TOPBP1: variants seen among roughly 807,000 people sequenced by gnomAD.
The protein encoded by TOPBP1 is DNA topoisomerase II binding protein 1.
A neutral mutation model predicts 167.7 loss-of-function variants in TOPBP1; 28 were observed. The observed-to-expected ratio is 0.17, with a 90% CI of 0.12 to 0.23. The LOEUF (loss-of-function observed/expected upper bound fraction) is 0.23, where lower values mean the gene tolerates loss of function less well. Among genes scored for constraint, TOPBP1 ranks in the 10% least tolerant of loss-of-function variants. TOPBP1 has a pLI of 1.00. For missense variants in TOPBP1, 1,554 were observed against 1,809.6 expected, an observed-to-expected ratio of 0.86 and a Z score of 2.56; for synonymous variants, 598 against 611.4, an observed-to-expected ratio of 0.98 and a Z score of 0.32.
At chr3:133,601,451 G>T in intron 27 of TOPBP1, 58 bp from the exon 28 acceptor site, 1 of 1,291,276 alleles carries the variant, frequency 7.7e-7, no homozygotes, top group Non-Finnish European at 1.0e-6. Flanking sequence ...ACGTGATCTG[G>T]TAATAGATTT....
Position 133,642,388 on chromosome 3 carries a change from A to G in TOPBP1, c.2021+812T>C, listed in dbSNP as rs576704343. ...AGGCTTTTGCTTTTTCAAGTCTTTTAGCTTATAGGTTCCTACCTTCTTTTC... is the reference window on the plus strand; with the variant it reads ...AGGCTTTTGCTTTTTCAAGTCTTTTGGCTTATAGGTTCCTACCTTCTTTTC... On this transcript the variant is annotated intron_variant, in intron 12 of 27. Coordinates refer to ENST00000260810, the MANE Select transcript of TOPBP1 (RefSeq NM_007027.4). 1.1e-4 allele frequency among the ~76,000 whole-genome samples: 17 copies of G among 152,250 alleles called. No individual in the cohort carries two copies. The East Asian group carries it at 3.1e-3, about 28-fold the overall frequency.
intron 14 of TOPBP1, among the ~76,000 whole-genome samples, chr3:133,631,357 T>C (rs1303290164): frequency 6.6e-6 from 1 of 152,250 alleles, no homozygotes; most frequent in African/African-American, 2.4e-5. Flanking sequence ...CTAACTTGAT[T>C]ATTCACGTGA....
intron 27 of TOPBP1, among the ~76,000 whole-genome samples, chr3:133,602,687 A>T (rs1934346177): frequency 6.6e-6 from 1 of 152,210 alleles, no homozygotes; most frequent in African/African-American, 2.4e-5. Flanking sequence ...ATTTGTGCTG[A>T]AACTACTTAA....
At chr3:133,645,412 C>T (rs1171823183) in intron 10 of TOPBP1, among the ~76,000 whole-genome samples, 2 of 152,088 alleles carry the variant, frequency 1.3e-5, no homozygotes, top group African/African-American at 2.4e-5. Flanking sequence ...TTATAATTTA[C>T]AGATATACTC....
chr3:133,602,388 A>T (rs1934334703), intron 27 of TOPBP1, among the ~76,000 whole-genome samples: 1 of 152,232 alleles, frequency 6.6e-6, no homozygotes, highest in South Asian at 2.1e-4. Flanking sequence ...TCCAAACTAA[A>T]GTTAGTTCTT....
At chr3:133,656,573 A>AT (rs926132558) in intron 5 of TOPBP1, 103 bp downstream of exon 5, 5 of 1,134,476 alleles carry the variant, frequency 4.4e-6, no homozygotes, top group Admixed American at 3.3e-5. Context: ...TAATGACACT[A>AT]TTTTTTTCCC....
intron 27 of TOPBP1, among the ~76,000 whole-genome samples, chr3:133,607,863 A>T (rs905401599): frequency 6.6e-6 from 1 of 152,208 alleles, no homozygotes; most frequent in African/African-American, 2.4e-5. Flanking sequence ...TGTTTTAGGC[A>T]TTCTATTAAA....
At chr3:133,613,447 C>T (rs542517736) in intron 23 of TOPBP1, among the ~76,000 whole-genome samples, 7 of 152,178 alleles carry the variant, frequency 4.6e-5, no homozygotes, top group Admixed American at 4.6e-4. Flanking sequence ...ATTACAAAAG[C>T]AGTTTTCAAG....
At chr3:133,637,830 A>T in intron 14 of TOPBP1, 46 bp downstream of exon 14, 1 of 1,583,224 alleles carries the variant, frequency 6.3e-7, no homozygotes, top group South Asian at 1.1e-5. Flanking sequence ...TTAACTTTAT[A>T]AACGGTAAAA....
intron 5 of TOPBP1, among the ~76,000 whole-genome samples, chr3:133,655,949 C>CA (rs1480185449): frequency 1.3e-5 from 2 of 152,004 alleles, no homozygotes; most frequent in African/African-American, 4.8e-5. Context: ...GAAGTAATCA[C>CA]ATTGGGAATG....
At chr3:133,623,504 T>C (rs1389718219) in intron 17 of TOPBP1, 47 bp from the exon 18 acceptor site, 8 of 1,547,670 alleles carry the variant, frequency 5.2e-6, no homozygotes, top group Non-Finnish European at 7.0e-6. Context: ...AAAATCTTAA[T>C]GAATAGATGA....
At chr3:133,621,463 A>C (rs1240545616) in intron 19 of TOPBP1, among the ~76,000 whole-genome samples, 1 of 152,260 alleles carries the variant, frequency 6.6e-6, no homozygotes, top group Non-Finnish European at 1.5e-5. Context: ...ACCAGTAAAA[A>C]AAATAAAATA....
At chr3:133,629,038 A>AC (rs892760928) in intron 14 of TOPBP1, among the ~76,000 whole-genome samples, 1 of 152,216 alleles carries the variant, frequency 6.6e-6, no homozygotes, top group African/African-American at 2.4e-5. Flanking sequence ...CCTGAATCTT[A>AC]GAGTTGAATT....
At chr3:133,617,940 T>C (rs947767812) in intron 21 of TOPBP1, among the ~76,000 whole-genome samples, 4 of 152,086 alleles carry the variant, frequency 2.6e-5, no homozygotes, top group Non-Finnish European at 5.9e-5. Flanking sequence ...AAGGGTTAGC[T>C]AGAATAAAAG....
At chr3:133,635,780 T>C (rs1935651374) in intron 14 of TOPBP1, among the ~76,000 whole-genome samples, 1 of 152,126 alleles carries the variant, frequency 6.6e-6, no homozygotes, top group Non-Finnish European at 1.5e-5. Flanking sequence ...CTTCCAGGTA[T>C]ATACCACATA....
In TOPBP1 at chr3:133,656,680, C is replaced by T. The variant is rs189529399; in HGVS notation, c.541G>A (p.Glu181Lys). The T allele has an allele frequency of 6.3e-7, 1 of 1,592,332 alleles. No individual in the cohort carries two copies. Among genetic ancestry groups the T allele is most frequent in the African/African-American group, 1.4e-5 (1 of 73,488 alleles). Residue 181 changes from glutamate to lysine, a missense_variant, in exon 5 of 28, where the codon GAG becomes AAG. Around this residue, in one of 3 missense-constraint regions of TOPBP1, gnomAD observed 1,197 missense variants for 1,351.5 expected, o/e 0.89. Transcript: ENST00000260810. Reference sequence around the variant, plus strand: ...ATATAAAAATGTCTTTCTTACTTCTCTTGTGACTTCTCCCAAAGTGTTTTT... The same window carrying T: ...ATATAAAAATGTCTTTCTTACTTCTTTTGTGACTTCTCCCAAAGTGTTTTT... ...WIKTLWEKSQ[E>K]KKITRYTDIN...
rs1281805887 is a variant in TOPBP1 at position 133,638,076 on chromosome 3, T to C, written c.2320A>G (p.Arg774Gly). The C allele has an allele frequency of 6.2e-7, 1 of 1,614,038 alleles. No homozygotes were observed. Among genetic ancestry groups the C allele is most frequent in the Non-Finnish European group, 8.5e-7 (1 of 1,179,874 alleles). ...TCTAAAGGTGTAACGACGGTTTTTC[T>C]GTGAGTTTGCAGGCGTGTGCCAGGA... ...EHPGTRLQTH[R>G]KTVVTPLDMN... Residue 774 changes from arginine (R) to glycine (G), a missense_variant, in exon 14 of 28, where the codon AGA becomes GGA. Physicochemically the swap from Arg to Gly is moderately radical, Grantham distance 125. Coordinates refer to ENST00000260810, the MANE Select transcript of TOPBP1 (RefSeq NM_007027.4).
intron 3 of TOPBP1, among the ~76,000 whole-genome samples, chr3:133,658,292 C>A (rs1559835634): frequency 1.3e-5 from 2 of 151,944 alleles, no homozygotes; most frequent in South Asian, 2.1e-4. Flanking sequence ...CATGGTGAAA[C>A]CCCGTCTCTA....
chr3:133,616,947 A>G, intron 22 of TOPBP1, 22 bp from the exon 23 acceptor site: 4 of 1,408,632 alleles, frequency 2.8e-6, no homozygotes, highest in Non-Finnish European at 3.8e-6. Context: ...GTTTTACTTT[A>G]GAAAAAATTA....
Sources: allele counts gnomAD v4.1 joint callset (sites outside exome capture counted in the v4.1 genomes callset), GRCh38; gene constraint gnomAD v4.1.1; regional missense constraint gnomAD v4.1.1; transcripts MANE v1.5; gene names NCBI Gene and HGNC (gene_info 2026-07-23, HGNC 2026-07-21).